Variants in ABCC3 observed in about 807,000 individuals in gnomAD.
The protein encoded by ABCC3 is ATP-binding cassette sub-family C member 3.
ABCC3 carries 121 observed loss-of-function variants against 165.3 expected under a neutral mutation model. That is an observed-to-expected ratio of 0.73 (90% CI 0.63 to 0.85). The LOEUF (loss-of-function observed/expected upper bound fraction) is 0.85. ABCC3 is among the 40% of genes least tolerant of loss of function. ABCC3 has a pLI of 0.00. For missense variants in ABCC3, 1,869 were observed against 1,964.1 expected, an observed-to-expected ratio of 0.95 and a Z score of 0.92; for synonymous variants, 733 against 810.1, an observed-to-expected ratio of 0.90 and a Z score of 1.62.
At position 50,687,740 on chromosome 17, in the gene ABCC3, G is replaced by A. The variant is rs1326179081; in HGVS notation, c.4475+10G>A. The A allele has an allele frequency of 5.6e-6, 9 of 1,609,630 alleles. No homozygotes were observed. Among genetic ancestry groups the A allele is most frequent in the Non-Finnish European group, 6.8e-6 (8 of 1,176,134 alleles). On this transcript the variant is annotated intron_variant, in intron 30 of 30. Coordinates refer to ENST00000285238, the MANE Select transcript of ABCC3 (RefSeq NM_003786.4). ...TCATGGACTACACCAGGTGGGACACGGAAACCTGAGCAATGGGGAACCTGG... is the reference window on the plus strand; with the variant it reads ...TCATGGACTACACCAGGTGGGACACAGAAACCTGAGCAATGGGGAACCTGG...
In ABCC3 at chr17:50,675,669, G is replaced by T. The variant is rs1307048456; in HGVS notation, c.2753G>T (p.Gly918Val). Residue 918 changes from glycine (G) to valine (V), a missense_variant, in exon 21 of 31, where the codon GGT becomes GTT. Physicochemically the swap from Gly to Val is moderately radical, Grantham distance 109 (BLOSUM62 -3). Transcript: ENST00000285238. ...SALSSDGEGQ[G>V]RPVPRRHLGP... is the part of the protein sequence containing the mutation. ...CTGTCCTCAGATGGGGAGGGACAGGGTCGGCCTGTACCCCGGAGGCACCTG... is the reference window on the plus strand; with the variant it reads ...CTGTCCTCAGATGGGGAGGGACAGGTTCGGCCTGTACCCCGGAGGCACCTG... 4 of 1,573,034 alleles carry T rather than the reference G, an allele frequency of 2.5e-6. No individual in the cohort carries two copies. The highest frequency in any genetic ancestry group is 3.5e-6 in the Non-Finnish European group (4 of 1,159,344).
chr17:50,673,984 C>CTTTCCTTCCT, intron 19 of ABCC3, among the ~76,000 whole-genome samples: 1 of 11,546 alleles, frequency 8.7e-5, no homozygotes, highest in Non-Finnish European at 1.5e-4. Flanking sequence ...TTCTTTCTCT[C>CTTTCCTTCCT]TCTCTCTCTC....
intron 6 of ABCC3, 163 bp downstream of exon 6, chr17:50,658,659 G>C: frequency 5.1e-6 from 4 of 783,768 alleles, no homozygotes; most frequent in Non-Finnish European, 8.4e-6. Context: ...TGGTCTGGGA[G>C]GGGGACCAAA....
At chr17:50,664,702 CAAAAAAA>C (rs58513664) in intron 10 of ABCC3, 9 of 47,970 alleles carry the variant, frequency 1.9e-4, no homozygotes, top group East Asian at 6.9e-4. Context: ...GACTCTGTCT[CAAAAAAA>C]AAAAAAAAAA....
intron 1 of ABCC3, among the ~76,000 whole-genome samples, chr17:50,645,371 C>CA (rs141598761): frequency 0.041 from 1,914 of 46,846 alleles, 193 homozygotes; most frequent in East Asian, 0.06. Context: ...AAGATTCCAT[C>CA]AAAAAAAAAA....
At chr17:50,672,181 T>G (rs1290389211) in intron 17 of ABCC3, among the ~76,000 whole-genome samples, 1 of 152,148 alleles carries the variant, frequency 6.6e-6, no homozygotes, top group East Asian at 1.9e-4. Context: ...CCTGCCACAC[T>G]GGGGGGTAAG....
In ABCC3 at chr17:50,673,569, C is replaced by G; in HGVS notation, c.2510C>G (p.Ala837Gly). 6.2e-7 allele frequency: 1 copy of G among 1,614,250 alleles called. No homozygotes were observed. The highest frequency in any genetic ancestry group is 8.5e-7 in the Non-Finnish European group (1 of 1,180,048). The change falls in exon 19 of 31, where the codon GCC becomes GGC. Residue 837 changes from alanine to glycine, a missense_variant. Physicochemically the swap from Ala to Gly is moderately conservative, Grantham distance 60. Coordinates refer to ENST00000285238, the MANE Select transcript of ABCC3 (RefSeq NM_003786.4). ...GTGTCTGAGATGGGCCCGTACCCAG[C>G]CCTGCTGCAGCGCAACGGCTCCTTT... ...GQVSEMGPYP[A>G]LLQRNGSFAN...
chr17:50,635,189 C>A lies in ABCC3; in HGVS notation c.45+208C>A, dbSNP rs1268145646. ...GGTCCCACGCGGTGTCGGGGACCTG[C>A]CCTGCTCTGCCCTTCCCGGCTGCAG... On this transcript the variant is annotated intron_variant, in intron 1 of 30. Transcript: ENST00000285238. The A allele has an allele frequency of 1.1e-5, 7 of 612,148 alleles. No homozygotes were observed. In the South Asian group the frequency reaches 1.5e-4, roughly 13 times the overall value. 37.9% of individuals were successfully genotyped at this position (612,148 alleles called of 1,614,324 possible).
At chr17:50,645,200 TAAA>T (rs564267933) in intron 1 of ABCC3, among the ~76,000 whole-genome samples, 10 of 118,322 alleles carry the variant, frequency 8.5e-5, no homozygotes, top group Admixed American at 8.5e-5. Context: ...GACTTGGCCT[TAAA>T]AAAAAAAAAA....
At chr17:50,661,172 A>AGCCC in intron 8 of ABCC3, 58 bp downstream of exon 8, 1 of 1,499,956 alleles carries the variant, frequency 6.7e-7, no homozygotes, top group Non-Finnish European at 9.0e-7. Flanking sequence ...CTGGCTGGCT[A>AGCCC]GCCCAGAGGA....
intron 8 of ABCC3, among the ~76,000 whole-genome samples, chr17:50,662,791 C>G (rs2146613755): frequency 6.6e-6 from 1 of 152,236 alleles, no homozygotes; most frequent in African/African-American, 2.4e-5. Flanking sequence ...GGAGACACAA[C>G]TTAAGCTATC....
At position 50,683,601 on chromosome 17, in the gene ABCC3, T is replaced by G; in HGVS notation, c.3808-9T>G. ...CAGCTGATGTGACCCCATCTGCCCC[T>G]CCTGCCAGGCGCCCTGGGTGGTGGA... On this transcript the variant is annotated splice_polypyrimidine_tract_variant and intron_variant, in intron 26 of 30. Coordinates refer to ENST00000285238, the MANE Select transcript of ABCC3 (RefSeq NM_003786.4). The G allele has an allele frequency of 1.9e-6, 3 of 1,550,190 alleles. No homozygotes were observed. The highest frequency in any genetic ancestry group is 2.6e-6 in the Non-Finnish European group (3 of 1,149,588).
chr17:50,641,185 C>T (rs1476368915), intron 1 of ABCC3, among the ~76,000 whole-genome samples: 1 of 152,226 alleles, frequency 6.6e-6, no homozygotes, highest in Non-Finnish European at 1.5e-5. Context: ...GGGCCTCTGC[C>T]ACGTGGTCCA....
Position 50,668,434 on chromosome 17 carries a change from G to C in ABCC3, c.1787G>C (p.Ser596Thr). 6.2e-7 allele frequency: 1 copy of C among 1,613,822 alleles called. No homozygotes were observed. The highest frequency in any genetic ancestry group is 2.2e-5 in the East Asian group (1 of 44,858). ...PQLISNLTQASVSLKRIQQFL... is the reference protein window; with the variant it reads ...PQLISNLTQATVSLKRIQQFL... Reference sequence around the variant, plus strand: ...CTGACTCACATCCTCCCGTAGGCCAGTGTGTCTCTGAAACGGATCCAGCAA... The same window carrying C: ...CTGACTCACATCCTCCCGTAGGCCACTGTGTCTCTGAAACGGATCCAGCAA... Residue 596 changes from serine to threonine, a missense_variant, in exon 14 of 31, where the codon AGT (serine) becomes ACT (threonine). By Grantham distance (58) the Ser-to-Thr change is moderately conservative. Transcript: ENST00000285238.
At chr17:50,681,127 C>T in intron 26 of ABCC3, among the ~76,000 whole-genome samples, 1 of 151,840 alleles carries the variant, frequency 6.6e-6, no homozygotes, top group Non-Finnish European at 1.5e-5. Context: ...AAGTTTATAA[C>T]CACACACCAC....
intron 11 of ABCC3, among the ~76,000 whole-genome samples, chr17:50,666,191 G>A (rs1967523884): frequency 6.6e-6 from 1 of 152,000 alleles, no homozygotes; most frequent in Non-Finnish European, 1.5e-5. Context: ...CACTTCCTCG[G>A]CTGGGCACGG....
intron 11 of ABCC3, among the ~76,000 whole-genome samples, chr17:50,666,013 G>A (rs528680557): frequency 2.8e-4 from 43 of 151,950 alleles, no homozygotes; most frequent in Admixed American, 2.1e-3. Context: ...CACCCCCTGC[G>A]GACTGGCCAA....
At chr17:50,654,935 T>C (rs1200081847) in intron 1 of ABCC3, among the ~76,000 whole-genome samples, 1 of 83,666 alleles carries the variant, frequency 1.2e-5, no homozygotes, top group Admixed American at 1.3e-4. Context: ...CTATTAAAAA[T>C]ACAAAAAAAA....
intron 3 of ABCC3, 63 bp downstream of exon 3, chr17:50,656,890 G>T: frequency 6.4e-7 from 1 of 1,556,950 alleles, no homozygotes. Flanking sequence ...GACTGTGATA[G>T]GGAAACTGTG....
Sources: allele counts gnomAD v4.1 joint callset (sites outside exome capture counted in the v4.1 genomes callset), GRCh38; gene constraint gnomAD v4.1.1; transcripts MANE v1.5; gene names NCBI Gene and HGNC (gene_info 2026-07-23, HGNC 2026-07-21).